The following MGAT5 variants were observed in gnomAD, a reference collection of about 807,000 sequenced individuals.
MGAT5 encodes alpha-1,6-mannosylglycoprotein 6-beta-N-acetylglucosaminyltransferase.
A neutral mutation model predicts 94.3 loss-of-function variants in MGAT5; 30 were observed. The ratio of observed to expected loss-of-function variants is 0.32; its 90% CI spans 0.24 to 0.43. The LOEUF (loss-of-function observed/expected upper bound fraction) is 0.43. MGAT5 is among the 20% of genes least tolerant of loss of function. The probability of loss-of-function intolerance (pLI) is 1.00; values close to 1 mark genes in which losing one functional copy is unlikely to be tolerated. For missense variants in MGAT5, 691 were observed against 905.5 expected, an observed-to-expected ratio of 0.76 and a Z score of 3.04; for synonymous variants, 310 against 322.9, an observed-to-expected ratio of 0.96 and a Z score of 0.43.
At chr2:134,354,187 T>C (rs1679571071) in intron 9 of MGAT5, among the ~76,000 whole-genome samples, 1 of 152,206 alleles carries the variant, frequency 6.6e-6, no homozygotes, top group South Asian at 2.1e-4. Flanking sequence ...ATAGTAATCA[T>C]TATATAATTT....
intron 1 of MGAT5, among the ~76,000 whole-genome samples, chr2:134,172,456 A>C (rs937481772): frequency 6.6e-6 from 1 of 151,758 alleles, no homozygotes; most frequent in Non-Finnish European, 1.5e-5. Flanking sequence ...GCACGATCTC[A>C]GCTCACTGCA....
At chr2:134,358,323 G>C (rs1227512775) in intron 9 of MGAT5, among the ~76,000 whole-genome samples, 1 of 151,882 alleles carries the variant, frequency 6.6e-6, no homozygotes, top group African/African-American at 2.4e-5. Context: ...GTTATTTCTA[G>C]GTGATGAAAA....
chr2:134,201,226 T>A (rs1021576603), intron 1 of MGAT5, among the ~76,000 whole-genome samples: 9 of 152,198 alleles, frequency 5.9e-5, no homozygotes, highest in African/African-American at 2.2e-4. Flanking sequence ...TGAGACAGGT[T>A]GGGCTGTGAA....
chr2:134,214,115 G>T (rs191969945), intron 1 of MGAT5, among the ~76,000 whole-genome samples: 20 of 152,092 alleles, frequency 1.3e-4, no homozygotes, highest in African/African-American at 4.8e-4. Flanking sequence ...CTAATACAAA[G>T]CTCCCTAAGG....
intron 7 of MGAT5, among the ~76,000 whole-genome samples, chr2:134,343,491 T>C (rs191764499): frequency 6.6e-6 from 1 of 152,330 alleles, no homozygotes; most frequent in Non-Finnish European, 1.5e-5. Flanking sequence ...AAGATAATTG[T>C]GGAAGCAGTA....
chr2:134,158,879 A>C (rs1276794979), intron 1 of MGAT5, among the ~76,000 whole-genome samples: 1 of 152,172 alleles, frequency 6.6e-6, no homozygotes, highest in South Asian at 2.1e-4. Flanking sequence ...GCTGTCTCAC[A>C]TGATAACCAC....
intron 1 of MGAT5, among the ~76,000 whole-genome samples, chr2:134,203,404 A>G (rs1679887612): frequency 6.6e-6 from 1 of 152,198 alleles, no homozygotes; most frequent in Non-Finnish European, 1.5e-5. Flanking sequence ...TTTTCACTTA[A>G]GCTAAGGATC....
chr2:134,448,632 T>C lies in MGAT5; in HGVS notation c.2028-17T>C. 1 of 1,613,702 alleles carries C rather than the reference T, an allele frequency of 6.2e-7. No individual in the cohort carries two copies. Among genetic ancestry groups the C allele is most frequent in the Non-Finnish European group, 8.5e-7 (1 of 1,179,598 alleles). ...TCCCTTCATCACCAACACTTGTGCCTTTCTCTTCCTCTTCAGGTACAAGGT... is the reference window on the plus strand; with the variant it reads ...TCCCTTCATCACCAACACTTGTGCCCTTCTCTTCCTCTTCAGGTACAAGGT... On this transcript the variant is annotated splice_polypyrimidine_tract_variant and intron_variant, in intron 15 of 15. Transcript: ENST00000281923.
At chr2:134,329,525 GT>G (rs1376714463) in intron 4 of MGAT5, among the ~76,000 whole-genome samples, 2 of 152,052 alleles carry the variant, frequency 1.3e-5, no homozygotes, top group East Asian at 3.8e-4. Flanking sequence ...ACTGGACTGT[GT>G]TTTTGGGACT....
At chr2:134,426,619 A>G (rs1013890309) in intron 13 of MGAT5, among the ~76,000 whole-genome samples, 3 of 152,186 alleles carry the variant, frequency 2.0e-5, no homozygotes, top group African/African-American at 4.8e-5. Flanking sequence ...TTTGTTTTAG[A>G]TCATTCCTTC....
At chr2:134,385,405 A>C (rs10186614) in intron 10 of MGAT5, among the ~76,000 whole-genome samples, 11 of 152,158 alleles carry the variant, frequency 7.2e-5, no homozygotes, top group Admixed American at 2.6e-4. Context: ...GTCAGCATTT[A>C]TGTCAAGACA....
intron 1 of MGAT5, among the ~76,000 whole-genome samples, chr2:134,221,275 G>A (rs531690463): frequency 5.9e-5 from 9 of 152,306 alleles, no homozygotes; most frequent in African/African-American, 2.2e-4. Context: ...CATTGGTTTG[G>A]TTTAGAAAGG....
intron 1 of MGAT5, among the ~76,000 whole-genome samples, chr2:134,165,219 C>G (rs1449845279): frequency 1.3e-5 from 2 of 152,186 alleles, no homozygotes; most frequent in African/African-American, 4.8e-5. Flanking sequence ...CATCGCTGCT[C>G]TAGCTGATGG....
chr2:134,279,143 C>T (rs568773190), intron 2 of MGAT5, among the ~76,000 whole-genome samples: 92 of 152,284 alleles, frequency 6.0e-4, no homozygotes, highest in African/African-American at 2.2e-3. Context: ...CAACTCCTGC[C>T]GGTCAGGCAC....
At chr2:134,225,324 T>G (rs1364681872) in intron 1 of MGAT5, among the ~76,000 whole-genome samples, 2 of 152,120 alleles carry the variant, frequency 1.3e-5, no homozygotes, top group African/African-American at 4.8e-5. Context: ...GCAGTCTCCT[T>G]AGGCCTGCTG....
At chr2:134,170,439 G>A (rs1293430057) in intron 1 of MGAT5, among the ~76,000 whole-genome samples, 1 of 152,202 alleles carries the variant, frequency 6.6e-6, no homozygotes, top group Non-Finnish European at 1.5e-5. Flanking sequence ...TGTGGGTTGA[G>A]CCTGTTCTCC....
intron 7 of MGAT5, among the ~76,000 whole-genome samples, chr2:134,342,963 C>A (rs1688720646): frequency 6.6e-6 from 1 of 152,132 alleles, no homozygotes; most frequent in South Asian, 2.1e-4. Flanking sequence ...AGAATGTAAG[C>A]ACTGGGATTG....
chr2:134,373,187 A>G (rs1226160455), intron 10 of MGAT5, among the ~76,000 whole-genome samples: 2 of 152,208 alleles, frequency 1.3e-5, no homozygotes, highest in South Asian at 2.1e-4. Flanking sequence ...GCAGCTGCCC[A>G]TGGACAGAAG....
chr2:134,213,935 C>A (rs1292765647), intron 1 of MGAT5, among the ~76,000 whole-genome samples: 1 of 152,092 alleles, frequency 6.6e-6, no homozygotes, highest in Non-Finnish European at 1.5e-5. Context: ...AAATCAATGT[C>A]CACCCTTTCT....
Sources: allele counts gnomAD v4.1 joint callset (sites outside exome capture counted in the v4.1 genomes callset), GRCh38; gene constraint gnomAD v4.1.1; transcripts MANE v1.5; gene names NCBI Gene and HGNC (gene_info 2026-07-23, HGNC 2026-07-21).